Variants in KLF12 observed in about 807,000 individuals in gnomAD.
KLF12 encodes KLF transcription factor 12, also known as Krueppel-like factor 12.
A neutral mutation model predicts 37.8 loss-of-function variants in KLF12; 9 were observed. The ratio of observed to expected loss-of-function variants is 0.24; its 90% CI spans 0.14 to 0.42. The LOEUF (loss-of-function observed/expected upper bound fraction) is 0.42, where lower values mean the gene tolerates loss of function less well. Ranked by LOEUF, KLF12 falls within the 10% of genes least tolerant of loss-of-function variation. KLF12 has a pLI of 1.00. For synonymous variants in KLF12, 208 were observed against 202.1 expected, an observed-to-expected ratio of 1.03 and a Z score of -0.25; for missense variants, 411 against 516.0, an observed-to-expected ratio of 0.80 and a Z score of 1.97.
Position 73,718,263 on chromosome 13 carries a change from A to G in KLF12, c.870-2738T>C, listed in dbSNP as rs150500399. Among the ~76,000 whole-genome samples, 452 of 152,362 alleles carry G rather than the reference A, an allele frequency of 3.0e-3. 3 individuals are homozygous for G. The highest frequency in any genetic ancestry group is 1.0e-2 in the African/African-American group (414 of 41,592). ...AAAACCCTGAAATCAGAATTCAGTC[A>G]ATAATGAATGTTTCTTTAGGGACCA... On this transcript the variant is annotated intron_variant, in intron 6 of 7. Coordinates refer to ENST00000377669, the MANE Select transcript of KLF12 (RefSeq NM_007249.5).
intron 3 of KLF12, among the ~76,000 whole-genome samples, chr13:73,909,202 A>G (rs1888457469): frequency 6.6e-6 from 1 of 152,212 alleles, no homozygotes; most frequent in Non-Finnish European, 1.5e-5. Context: ...CAAGGTATCC[A>G]AAGTAAAATT....
chr13:74,133,532 A>G (rs1343333708), intron 1 of KLF12, among the ~76,000 whole-genome samples: 1 of 152,062 alleles, frequency 6.6e-6, no homozygotes, highest in Non-Finnish European at 1.5e-5. Context: ...CTTGCTTTGC[A>G]ACAGCATCGC....
At chr13:74,137,833 T>A (rs7985338), upstream of KLF12, among the ~76,000 whole-genome samples, 1,742 of 152,356 alleles carry the variant, frequency 0.011, 33 homozygotes, top group African/African-American at 0.04. Context: ...CGATTTCGGC[T>A]CACTGCAACC....
chr13:73,701,744 T>G (rs1378058140), intron 7 of KLF12, among the ~76,000 whole-genome samples: 1 of 152,142 alleles, frequency 6.6e-6, no homozygotes, highest in Non-Finnish European at 1.5e-5. Flanking sequence ...ATGCCAGTGC[T>G]TGGTGTATAG....
At chr13:74,292,892 A>G in the KLF12 span, among the ~76,000 whole-genome samples, 2 of 152,180 alleles carry the variant, frequency 1.3e-5, no homozygotes, top group Admixed American at 6.5e-5. Context: ...CATGAGTAGC[A>G]TCTTTGTTTG....
Position 73,695,359 on chromosome 13 carries a change from C to T in KLF12, c.*131G>A. 2 of 864,116 alleles carry T rather than the reference C, an allele frequency of 2.3e-6. No homozygotes were observed. The highest frequency in any genetic ancestry group is 1.8e-6 in the Non-Finnish European group (1 of 565,462). 53.5% of individuals were successfully genotyped at this position (864,116 alleles called of 1,614,324 possible). A position where few individuals can be genotyped will look rare whatever the true frequency, so the allele number is the denominator to read the frequency against. ...CCAAAAGAAGTGTGCCTTCTTTTTC[C>T]TGCTCTGGTTTCAGACATCGTGGGA... On this transcript the variant is annotated 3_prime_UTR_variant, in exon 8 of 8. Transcript: ENST00000377669.
At chr13:74,013,118 A>T (rs565344952) in intron 1 of KLF12, among the ~76,000 whole-genome samples, 8 of 152,230 alleles carry the variant, frequency 5.3e-5, no homozygotes, top group African/African-American at 9.6e-5. Context: ...AAGGCCCCTC[A>T]TGGGAACGGA....
the KLF12 span, among the ~76,000 whole-genome samples, chr13:74,157,879 G>C: frequency 3.9e-5 from 6 of 152,138 alleles, no homozygotes; most frequent in Admixed American, 1.3e-4. Flanking sequence ...CATTCATCAG[G>C]TGCCCTCACA....
chr13:74,094,732 T>C (rs1875881278), intron 1 of KLF12, among the ~76,000 whole-genome samples: 1 of 152,032 alleles, frequency 6.6e-6, no homozygotes. Flanking sequence ...CCCAGGTAGC[T>C]AGAACTACAG....
intron 5 of KLF12, among the ~76,000 whole-genome samples, chr13:73,806,649 C>CAAAAAA (rs11482328): frequency 1.8e-5 from 2 of 108,320 alleles, no homozygotes. Context: ...AAAAAACAAA[C>CAAAAAA]AAAAAAAAAA....
chr13:73,866,303 A>G (rs915595044), intron 3 of KLF12, among the ~76,000 whole-genome samples: 3 of 152,174 alleles, frequency 2.0e-5, no homozygotes, highest in Non-Finnish European at 4.4e-5. Context: ...CAGGAAAGGT[A>G]TTACATGTGT....
At chr13:74,085,545 A>T (rs1875226217) in intron 1 of KLF12, among the ~76,000 whole-genome samples, 2 of 152,216 alleles carry the variant, frequency 1.3e-5, no homozygotes, top group African/African-American at 4.8e-5. Context: ...TCATTTCCAG[A>T]TACAAATGTC....
intron 1 of KLF12, among the ~76,000 whole-genome samples, chr13:74,021,350 C>G (rs777041588): frequency 6.6e-6 from 1 of 151,958 alleles, no homozygotes; most frequent in African/African-American, 2.4e-5. Context: ...CTATGTTAGT[C>G]TAGGGCAGTA....
chr13:74,186,191 A>G, the KLF12 span, among the ~76,000 whole-genome samples: 1 of 151,770 alleles, frequency 6.6e-6, no homozygotes, highest in Non-Finnish European at 1.5e-5. Flanking sequence ...TGTCTAAGAG[A>G]TTTTTTTTTC....
At chr13:74,009,446 T>C (rs1019945988) in intron 1 of KLF12, among the ~76,000 whole-genome samples, 6 of 152,162 alleles carry the variant, frequency 3.9e-5, no homozygotes, top group Non-Finnish European at 7.3e-5. Context: ...AGCTGGAATT[T>C]GAACCCATTT....
At chr13:73,738,918 T>C (rs975939394) in intron 6 of KLF12, among the ~76,000 whole-genome samples, 1 of 152,120 alleles carries the variant, frequency 6.6e-6, no homozygotes, top group African/African-American at 2.4e-5. Flanking sequence ...AATGCCTCAG[T>C]TTCCTTTCTA....
At chr13:73,937,109 G>A (rs138556496) in intron 3 of KLF12, among the ~76,000 whole-genome samples, 3 of 152,100 alleles carry the variant, frequency 2.0e-5, no homozygotes, top group African/African-American at 7.2e-5. Flanking sequence ...AGAATCGCTT[G>A]AACCCGGGAG....
intron 7 of KLF12, among the ~76,000 whole-genome samples, chr13:73,708,198 A>G (rs767120708): frequency 7.2e-5 from 11 of 152,172 alleles, no homozygotes; most frequent in Non-Finnish European, 1.2e-4. Flanking sequence ...AATTCCTAAG[A>G]AATGTGACTA....
intron 2 of KLF12, among the ~76,000 whole-genome samples, chr13:73,964,768 G>C (rs941619778): frequency 6.6e-6 from 1 of 152,076 alleles, no homozygotes; most frequent in Non-Finnish European, 1.5e-5. Flanking sequence ...GATCACTTGA[G>C]CCCAAGTGTT....
Sources: allele counts gnomAD v4.1 joint callset (sites outside exome capture counted in the v4.1 genomes callset), GRCh38; gene constraint gnomAD v4.1.1; transcripts MANE v1.5; gene names NCBI Gene and HGNC (gene_info 2026-07-23, HGNC 2026-07-21).